The following MEAK7 variants were observed in gnomAD, a reference collection of about 807,000 sequenced individuals.
MEAK7 encodes MTOR associated protein MEAK7, also known as MTOR-associated protein MEAK7.
A neutral mutation model predicts 40.5 loss-of-function variants in MEAK7; 68 were observed. That is an observed-to-expected ratio of 1.68 (90% confidence interval 1.38 to 2.06). The LOEUF (loss-of-function observed/expected upper bound fraction) is 2.06. Ranked by LOEUF, MEAK7 falls within the 30% of genes most tolerant of loss-of-function variation. The pLI is 0.00. For synonymous variants in MEAK7, 338 were observed against 231.9 expected (o/e 1.46, Z -4.16); for missense variants, 918 against 580.5 (o/e 1.58, Z -5.98).
intron 3 of MEAK7, among the ~76,000 whole-genome samples, chr16:84,491,553 A>C (rs1913610159): frequency 6.7e-6 from 1 of 150,020 alleles, no homozygotes; most frequent in African/African-American, 2.5e-5. Flanking sequence ...AAAAAAAAAA[A>C]AACGTCTGGG....
chr16:84,486,851 C>G lies in MEAK7; in HGVS notation c.738G>C (p.Leu246=), dbSNP rs372896891. The G allele has an allele frequency of 1.2e-5, 20 of 1,614,038 alleles. No homozygotes were observed. In the African/African-American group the frequency reaches 1.6e-4, roughly 13 times the overall value. Residue 246 remains leucine (L), a synonymous_variant, in exon 5 of 8, where the codon CTG becomes CTC. Transcript: ENST00000343629. The part of the protein sequence containing the change: ...VDQGRGFESI[L]DVLSVMYINA... The stretch of plus-strand genomic sequence containing the variant: ...TGATGTACATGACAGAGAGGACATC[C>G]AGGATGCTCTCAAAACCCCTGCCCT...
At chr16:84,497,892 C>A (rs376021539) in intron 2 of MEAK7, 42 bp downstream of exon 2, 3 of 1,612,996 alleles carry the variant, frequency 1.9e-6, no homozygotes, top group African/African-American at 2.7e-5. Flanking sequence ...TTTGCAGACC[C>A]CTGCTCCCAA....
At position 84,486,657 on chromosome 16, in the gene MEAK7, G is replaced by T; in HGVS notation, c.932C>A (p.Ser311Tyr). ...KHVFGGFASC[S>Y]WEVKPQFQGD... ...TTGAAACTGAGGCTTCACCTCCCAA[G>T]AGCAAGAGGCAAACCCACCGAACAC... Residue 311 changes from serine to tyrosine, a missense_variant, in exon 5 of 8, where the codon TCT becomes TAT. Physicochemically the swap from Ser to Tyr is moderately radical, Grantham distance 144. Coordinates refer to ENST00000343629, the MANE Select transcript of MEAK7 (RefSeq NM_020947.4). 2 of 1,611,580 alleles carry T rather than the reference G, an allele frequency of 1.2e-6. No individual in the cohort carries two copies. Among genetic ancestry groups the T allele is most frequent in the South Asian group, 2.2e-5 (2 of 90,694 alleles).
chr16:84,493,466 C>T (rs760803788), intron 3 of MEAK7, among the ~76,000 whole-genome samples: 2 of 152,182 alleles, frequency 1.3e-5, no homozygotes, highest in African/African-American at 2.4e-5. Context: ...AAGTTAATTG[C>T]GTGGACCGAA....
chr16:84,488,740 C>G (rs1913307861), intron 4 of MEAK7, among the ~76,000 whole-genome samples: 1 of 152,036 alleles, frequency 6.6e-6, no homozygotes. Context: ...ATATTGAGAT[C>G]AATGAAAATA....
At chr16:84,502,860 ACT>A (rs1403463605) in intron 1 of MEAK7, 2 of 152,112 alleles carry the variant, frequency 1.3e-5, no homozygotes, top group African/African-American at 4.8e-5. Flanking sequence ...ACAGAGCAAG[ACT>A]CTGTCTCATA....
intron 3 of MEAK7, 90 bp downstream of exon 3, chr16:84,495,593 C>T (rs936514495): frequency 3.4e-5 from 43 of 1,266,618 alleles, no homozygotes; most frequent in South Asian, 3.9e-5. Context: ...TGGTTTACTC[C>T]TCCATGTGCC....
rs148312749 is a variant in MEAK7, at chr16:84,490,321, GA to G, written c.385-900del. Among the ~76,000 whole-genome samples, 526 of 150,870 alleles carry G rather than the reference GA, an allele frequency of 3.5e-3. 12 individuals carry two copies. The East Asian group carries it at 0.063, about 18-fold the overall frequency. ...AAGGAAAGAGCAAGGCCACCAAAAGGAAAAAAACATTTTGACTGCCTTGAGG... is the reference window on the plus strand; with the variant it reads ...AAGGAAAGAGCAAGGCCACCAAAAGGAAAAAACATTTTGACTGCCTTGAGG... On this transcript the variant is annotated intron_variant, in intron 3 of 7. Transcript: ENST00000343629.
chr16:84,495,685 T>A lies in MEAK7; in HGVS notation c.382A>T (p.Lys128Ter), dbSNP rs1329660369. 6.2e-7 allele frequency: 1 copy of A among 1,614,092 alleles called. No homozygotes were observed. The highest frequency in any genetic ancestry group is 8.5e-7 in the Non-Finnish European group (1 of 1,180,008). The change falls in exon 3 of 8, where the codon AAG becomes TAG. Residue 128 changes from lysine (K) to a stop codon, truncating the protein, a stop_gained and splice_region_variant. Coordinates refer to ENST00000343629, the MANE Select transcript of MEAK7 (RefSeq NM_020947.4). LOFTEE classifies it high-confidence loss of function. ...EGPVKAREVQKFTEDLVGSVV... is the reference protein window; with the variant it reads ...EGPVKAREVQ ...AAAGGACCTCGCGGCCTCACTACCT[T>A]TTGGACTTCTCTGGCCTTCACGGGA...
At position 84,479,976 on chromosome 16, in the gene MEAK7, C is replaced by G. The variant is rs775810722; in HGVS notation, c.1308G>C (p.Leu436=). ...ILDADPEAQA[L]LEISGHSRHS... ...GGCGCGAATGCCCACTGATCTCCAG[C>G]AGGGCCTGGGCCTCAGGGTCCGCAT... Residue 436 remains leucine, a synonymous_variant, in exon 8 of 8, where the codon CTG becomes CTC. Transcript: ENST00000343629. 3 of 1,609,550 alleles carry G rather than the reference C, an allele frequency of 1.9e-6. No homozygotes were observed. The highest frequency in any genetic ancestry group is 1.3e-5 in the African/African-American group (1 of 74,804).
chr16:84,501,783 G>A (rs1193417125), intron 1 of MEAK7, among the ~76,000 whole-genome samples: 1 of 152,152 alleles, frequency 6.6e-6, no homozygotes, highest in Non-Finnish European at 1.5e-5. Context: ...GCAGAGTGCT[G>A]GTGAAGGGAC....
At chr16:84,501,151 G>C (rs1039663209) in intron 1 of MEAK7, among the ~76,000 whole-genome samples, 1 of 151,200 alleles carries the variant, frequency 6.6e-6, no homozygotes, top group South Asian at 2.1e-4. Flanking sequence ...CAAGGGCATG[G>C]GGATGGGTGT....
At chr16:84,494,228 G>A (rs546641468) in intron 3 of MEAK7, among the ~76,000 whole-genome samples, 1 of 152,212 alleles carries the variant, frequency 6.6e-6, no homozygotes, top group South Asian at 2.1e-4. Context: ...AAATAAGTTG[G>A]TCCTACTATG....
rs142902926 is a variant in MEAK7 at position 84,495,352 on chromosome 16, C to A, written c.384+331G>T. Among the ~76,000 whole-genome samples the A allele has an allele frequency of 4.4e-4, 67 of 152,310 alleles. 2 individuals carry two copies. The East Asian group carries it at 9.2e-3, about 21-fold the overall frequency. ...ATGTAAAGTGCTGATTTACTGAGTG[C>A]AAGACAAACACACATTGACTATTTC... On this transcript the variant is annotated intron_variant, in intron 3 of 7. Transcript: ENST00000343629.
chr16:84,490,416 C>CGCTGG (rs1224100533), intron 3 of MEAK7, among the ~76,000 whole-genome samples: 2 of 147,112 alleles, frequency 1.4e-5, no homozygotes, highest in African/African-American at 2.5e-5. Flanking sequence ...CCCACACTCT[C>CGCTGG]GCTGGGCGGC....
At chr16:84,504,417 C>G (rs1401107617) in intron 1 of MEAK7, among the ~76,000 whole-genome samples, 184 bp downstream of exon 1, 1 of 152,058 alleles carries the variant, frequency 6.6e-6, no homozygotes. Flanking sequence ...CCCCGCTGTC[C>G]CCACCCCTCA....
At chr16:84,498,944 AT>A (rs1198939128) in intron 1 of MEAK7, among the ~76,000 whole-genome samples, 2 of 152,108 alleles carry the variant, frequency 1.3e-5, no homozygotes, top group Non-Finnish European at 2.9e-5. Context: ...CTCTGCCTCA[AT>A]TTCCCCATTT....
intron 1 of MEAK7, among the ~76,000 whole-genome samples, chr16:84,503,385 G>T (rs934235566): frequency 6.6e-6 from 1 of 151,974 alleles, no homozygotes; most frequent in South Asian, 2.1e-4. Flanking sequence ...CCACCCTAGC[G>T]CCCTGATGTT....
In MEAK7 at chr16:84,486,658, A is replaced by G. The variant is rs1386901310; in HGVS notation, c.931T>C (p.Ser311Pro). 1.2e-5 allele frequency: 19 copies of G among 1,611,826 alleles called. No individual in the cohort carries two copies. The highest frequency in any genetic ancestry group is 1.6e-5 in the Non-Finnish European group (19 of 1,179,020). Residue 311 changes from serine to proline, a missense_variant, in exon 5 of 8, where the codon TCT (serine) becomes CCT (proline). Coordinates refer to ENST00000343629, the MANE Select transcript of MEAK7 (RefSeq NM_020947.4). ...TGAAACTGAGGCTTCACCTCCCAAG[A>G]GCAAGAGGCAAACCCACCGAACACA... ...KHVFGGFASC[S>P]WEVKPQFQGD...
Sources: allele counts gnomAD v4.1 joint callset (sites outside exome capture counted in the v4.1 genomes callset), GRCh38; gene constraint gnomAD v4.1.1; transcripts MANE v1.5; gene names NCBI Gene and HGNC (gene_info 2026-07-23, HGNC 2026-07-21).